USP35: variants seen among roughly 807,000 people sequenced by gnomAD.
USP35 encodes ubiquitin carboxyl-terminal hydrolase 35.
Under a neutral mutation model 83.8 loss-of-function variants are expected in USP35, and 69 were observed. That is an observed-to-expected ratio of 0.82 (90% confidence interval 0.68 to 1.01). The LOEUF (loss-of-function observed/expected upper bound fraction) is 1.01, where lower values mean the gene tolerates loss of function less well. Ranked by LOEUF, USP35 falls within the 50% of genes least tolerant of loss-of-function variation. The pLI, the probability that USP35 is intolerant of heterozygous loss-of-function variation, is 0.00. For synonymous variants in USP35, 714 were observed against 589.5 expected, an observed-to-expected ratio of 1.21 and a Z score of -3.06; for missense variants, 1,503 against 1,362.5, an observed-to-expected ratio of 1.10 and a Z score of -1.62.
chr11:78,215,539 TAAC>T (rs1045170940), downstream of USP35: 2 of 152,578 alleles, frequency 1.3e-5, no homozygotes, highest in African/African-American at 4.8e-5. Context: ...TTTTAAATGG[TAAC>T]AAGACAAGAA....
intron 5 of USP35, 147 bp from the exon 6 acceptor site, chr11:78,200,503 T>C (rs1863314936): frequency 1.5e-5 from 18 of 1,218,794 alleles, no homozygotes; most frequent in Admixed American, 2.8e-5. Flanking sequence ...CCTGCAGAGC[T>C]CAGAGCCCCA....
At chr11:78,232,462 C>T in the USP35 span, among the ~76,000 whole-genome samples, 2 of 152,214 alleles carry the variant, frequency 1.3e-5, no homozygotes, top group African/African-American at 4.8e-5. Flanking sequence ...GTGAAACCAA[C>T]TTGTCTTCAA....
intron 2 of USP35, among the ~76,000 whole-genome samples, chr11:78,197,734 A>G (rs1252969841): frequency 2.0e-5 from 3 of 152,198 alleles, no homozygotes; most frequent in Admixed American, 2.0e-4. Flanking sequence ...GCACAGGAGT[A>G]GCCCCAAGGC....
intron 2 of USP35, 94 bp from the exon 3 acceptor site, chr11:78,197,842 C>T: frequency 6.7e-7 from 1 of 1,495,016 alleles, no homozygotes; most frequent in Non-Finnish European, 8.9e-7. Context: ...TCCTAGAGGC[C>T]CAGCCCGGTT....
downstream of USP35, among the ~76,000 whole-genome samples, chr11:78,219,791 A>G (rs973071159): frequency 1.3e-5 from 2 of 152,190 alleles, no homozygotes; most frequent in East Asian, 3.9e-4. Flanking sequence ...CATCAGCCAC[A>G]GGACTTTACG....
Position 78,214,921 on chromosome 11 carries a change from G to A in USP35, c.*1108G>A, listed in dbSNP as rs189253904. 1.6e-4 allele frequency among the ~76,000 whole-genome samples: 24 copies of A among 152,198 alleles called. No individual in the cohort carries two copies. Among genetic ancestry groups the A allele is most frequent in the East Asian group, 1.5e-3 (8 of 5,168 alleles). ...TACTGAGGGCTGGGTGATGCTGCCC[G>A]TGGAGAGGATGCACCTGGGAGGCAG... On this transcript the variant is annotated 3_prime_UTR_variant, in exon 11 of 11. Coordinates refer to ENST00000529308, the MANE Select transcript of USP35 (RefSeq NM_020798.4).
At chr11:78,220,762 C>T in the USP35 span, among the ~76,000 whole-genome samples, 1 of 152,168 alleles carries the variant, frequency 6.6e-6, no homozygotes, top group Non-Finnish European at 1.5e-5. Context: ...CTGTGCTAAC[C>T]CCTGTACCAC....
At position 78,206,000 on chromosome 11, in the gene USP35, C is replaced by T. The variant is rs2137047609; in HGVS notation, c.1356C>T (p.Val452=). 6.2e-7 allele frequency: 1 copy of T among 1,614,198 alleles called. No homozygotes were observed. The change falls in exon 7 of 11, where the codon GTC becomes GTT. Residue 452 remains valine (V), a synonymous_variant. Coordinates refer to ENST00000529308, the MANE Select transcript of USP35 (RefSeq NM_020798.4). The part of the protein sequence containing the change: ...GLINLGNTCY[V]NSILQALFMA... ...TCAACCTGGGCAACACATGCTATGT[C>T]AACAGCATCCTTCAGGCCTTATTCA...
chr11:78,232,062 T>C, the USP35 span: 1 of 152,248 alleles, frequency 6.6e-6, no homozygotes, highest in Admixed American at 6.5e-5. Context: ...GAGCCAATTT[T>C]GGCAGGACTC....
chr11:78,209,774 C>T lies in USP35; in HGVS notation c.1919C>T (p.Pro640Leu), dbSNP rs143714073. ...TSAQGPGRVG[P>L]RRQRKHCITE... ...GCACAGGGGCCAGGCAGGGTGGGTC[C>T]TCGGAGGCAAAGGAAACACTGCATC... The change falls in exon 10 of 11, where the codon CCT (proline) becomes CTT (leucine). Residue 640 changes from proline to leucine, a missense_variant. Pro to Leu is a moderately conservative substitution (Grantham distance 98, BLOSUM62 -3). Transcript: ENST00000529308. The T allele has an allele frequency of 8.1e-6, 13 of 1,613,982 alleles. No individual in the cohort carries two copies. In the East Asian group the frequency reaches 2.9e-4, roughly 36 times the overall value.
intron 1 of USP35, among the ~76,000 whole-genome samples, chr11:78,189,586 C>T (rs1443746043): frequency 1.3e-5 from 2 of 152,160 alleles, no homozygotes; most frequent in Non-Finnish European, 2.9e-5. Context: ...CTCCCCAACC[C>T]CCTCTTACGG....
chr11:78,204,689 G>T (rs540791622), intron 6 of USP35, among the ~76,000 whole-genome samples: 1 of 152,144 alleles, frequency 6.6e-6, no homozygotes, highest in Non-Finnish European at 1.5e-5. Flanking sequence ...AGGGTATCAT[G>T]AACAGAAAAA....
At chr11:78,231,336 GGTGT>G in the USP35 span, among the ~76,000 whole-genome samples, 193 of 145,898 alleles carry the variant, frequency 1.3e-3, no homozygotes, top group South Asian at 5.9e-3. Context: ...GCGCGTGTGT[GGTGT>G]GTGTGTGTGT....
chr11:78,209,537 C>G lies in USP35; in HGVS notation c.1682C>G (p.Pro561Arg). The change falls in exon 10 of 11, where the codon CCA becomes CGA. Residue 561 changes from proline to arginine, a missense_variant. Pro to Arg is a moderately radical substitution (Grantham distance 103). Coordinates refer to ENST00000529308, the MANE Select transcript of USP35 (RefSeq NM_020798.4). ...SPSPPEEPPA[P>R]SSTSVEKMFG... Reference sequence around the variant, plus strand: ...TCTCCGCCCGAGGAGCCCCCGGCCCCAAGTTCAACCTCTGTGGAAAAAATG... The same window carrying G: ...TCTCCGCCCGAGGAGCCCCCGGCCCGAAGTTCAACCTCTGTGGAAAAAATG... The G allele has an allele frequency of 6.2e-7, 1 of 1,614,120 alleles. No homozygotes were observed. The highest frequency in any genetic ancestry group is 8.5e-7 in the Non-Finnish European group (1 of 1,179,988).
rs534809728 is a variant in USP35, at chr11:78,214,678, G to A, written c.*865G>A. The A allele has an allele frequency of 1.1e-4, 17 of 149,358 alleles. No individual in the cohort carries two copies. The highest frequency in any genetic ancestry group is 3.6e-4 in the African/African-American group (15 of 41,284). 9.3% of individuals were successfully genotyped at this position (149,358 alleles called of 1,614,324 possible). On this transcript the variant is annotated 3_prime_UTR_variant, in exon 11 of 11. Coordinates refer to ENST00000529308, the MANE Select transcript of USP35 (RefSeq NM_020798.4). ...AACCGAAGACAAGACAGACACCCAT[G>A]TTCATAAATAAATAAAAGTAAGCCT...
At position 78,200,570 on chromosome 11, in the gene USP35, C is replaced by T. The variant is rs777132826; in HGVS notation, c.1039-80C>T. ...AGCCTCCCTACCTCAGAGAGTGTTG[C>T]GTGCTGTCAGCAGGGACCACAGCCC... On this transcript the variant is annotated intron_variant, in intron 5 of 10. Coordinates refer to ENST00000529308, the MANE Select transcript of USP35 (RefSeq NM_020798.4). 22 of 1,526,020 alleles carry T rather than the reference C, an allele frequency of 1.4e-5. No individual in the cohort carries two copies. In the Middle Eastern group the frequency reaches 9.3e-4, roughly 65 times the overall value. 94.5% of individuals were successfully genotyped at this position (1,526,020 alleles called of 1,614,324 possible).
chr11:78,200,239 G>A lies in USP35; in HGVS notation c.1038+5G>A. On this transcript the variant is annotated splice_donor_5th_base_variant and intron_variant, in intron 5 of 10. Transcript: ENST00000529308. ...TCCCACGAAGCCTTCCACCTGGTAA[G>A]GTCCCCTGCCTGCTGCCCCTGGTGA... 1.9e-6 allele frequency: 3 copies of A among 1,613,522 alleles called. No individual in the cohort carries two copies. The highest frequency in any genetic ancestry group is 2.2e-5 in the South Asian group (2 of 91,076).
the USP35 span, among the ~76,000 whole-genome samples, chr11:78,222,936 G>A: frequency 1.3e-5 from 2 of 152,184 alleles, no homozygotes; most frequent in African/African-American, 2.4e-5. Context: ...ACTACTCCCT[G>A]CTGCTCCTGG....
rs758143269 is a variant in USP35, at chr11:78,200,214, T to C, written c.1018T>C (p.Ser340Pro). ...GTACATGCTCCTGACCTTCCAGCACTCCCACGAAGCCTTCCACCTGGTAAG... is the reference window on the plus strand; with the variant it reads ...GTACATGCTCCTGACCTTCCAGCACCCCCACGAAGCCTTCCACCTGGTAAG... ...LKYMLLTFQH[S>P]HEAFHLLLPH... Residue 340 changes from serine (S) to proline (P), a missense_variant, in exon 5 of 11, where the codon TCC becomes CCC. Ser to Pro is a moderately conservative substitution (Grantham distance 74). Coordinates refer to ENST00000529308, the MANE Select transcript of USP35 (RefSeq NM_020798.4). 1 of 1,613,932 alleles carries C rather than the reference T, an allele frequency of 6.2e-7. No individual in the cohort carries two copies. Among genetic ancestry groups the C allele is most frequent in the Non-Finnish European group, 8.5e-7 (1 of 1,180,010 alleles).
Sources: gnomAD v4.1 joint callset for allele counts (sites outside exome capture counted in the v4.1 genomes callset) on GRCh38, gnomAD v4.1.1 for gene constraint, MANE v1.5 for transcripts, NCBI Gene and HGNC (gene_info 2026-07-23, HGNC 2026-07-21) for gene names.